The following CELSR1 variants were observed in gnomAD, a reference collection of about 807,000 sequenced individuals.
CELSR1 encodes the protein adhesion G protein-coupled receptor C1.
CELSR1 carries 110 observed loss-of-function variants against 249.1 expected under a neutral mutation model. That is an observed-to-expected ratio of 0.44 (90% CI 0.38 to 0.52). The LOEUF is 0.52. CELSR1 is among the 20% of genes least tolerant of loss of function. The probability of loss-of-function intolerance (pLI) is 0.00; values close to 1 mark genes in which losing one functional copy is unlikely to be tolerated. For synonymous variants in CELSR1, 2,113 were observed against 1,900.0 expected (o/e 1.11, Z -2.92); for missense variants, 4,109 against 4,296.4 (o/e 0.96, Z 1.22).
intron 1 of CELSR1, among the ~76,000 whole-genome samples, chr22:46,522,408 C>T (rs1203619140): frequency 6.6e-6 from 1 of 152,140 alleles, no homozygotes; most frequent in East Asian, 1.9e-4. Context: ...CCCACGCCTG[C>T]GGTTTCGACT....
intron 1 of CELSR1, among the ~76,000 whole-genome samples, chr22:46,496,236 A>C (rs1414521844): frequency 6.7e-6 from 1 of 150,214 alleles, no homozygotes; most frequent in African/African-American, 2.4e-5. Flanking sequence ...TTTTGTAACA[A>C]CACTTAGCTT....
chr22:46,456,895 G>A (rs1483141689), intron 2 of CELSR1, among the ~76,000 whole-genome samples: 1 of 123,252 alleles, frequency 8.1e-6, no homozygotes, highest in Non-Finnish European at 1.6e-5. Context: ...ATGACCTGGG[G>A]CGGGGGGTGG....
intron 1 of CELSR1, among the ~76,000 whole-genome samples, chr22:46,497,709 T>C (rs904778365): frequency 5.9e-5 from 9 of 152,194 alleles, no homozygotes; most frequent in African/African-American, 2.2e-4. Flanking sequence ...TGGGCATTCA[T>C]ATCTTCTGGG....
Position 46,537,085 on chromosome 22 carries a change from G to A in CELSR1, c.86C>T (p.Ala29Val), listed in dbSNP as rs745820405. The A allele has an allele frequency of 9.6e-7, 1 of 1,045,186 alleles. No homozygotes were observed. 64.7% of individuals were successfully genotyped at this position (1,045,186 alleles called of 1,614,324 possible). The change falls in exon 1 of 35, where the codon GCC becomes GTC. Residue 29 changes from alanine to valine, a missense_variant. This residue lies in a region of CELSR1 where 673 missense variants were observed against 636.8 expected (regional missense o/e 1.06). Coordinates refer to ENST00000674500, the MANE Select transcript of CELSR1 (RefSeq NM_001378328.1). This position sits in a 1 kb window ranked among gnomAD's most constrained non-coding sequence, Gnocchi z 5.8. ...AALPAMGLRA[A>V]AWEPRVPGGT... ...GCCGGGTACGCGCGGCTCCCAGGCG[G>A]CCGCTCGCAGCCCCATCGCCGGCAG...
chr22:46,467,363 C>T (rs2080107734), intron 1 of CELSR1, among the ~76,000 whole-genome samples: 1 of 152,158 alleles, frequency 6.6e-6, no homozygotes, highest in African/African-American at 2.4e-5. Context: ...GGGAAATGCA[C>T]AACCCAATTA....
In CELSR1 at chr22:46,412,614, C is replaced by T. The variant is rs181625418; in HGVS notation, c.4612-855G>A. Among the ~76,000 whole-genome samples, 9 of 152,250 alleles carry T rather than the reference C, an allele frequency of 5.9e-5. No individual in the cohort carries two copies. The highest frequency in any genetic ancestry group is 4.1e-4 in the South Asian group (2 of 4,824). ...GAGACTGTGGTTTGCCATCCGGGGA[C>T]GAGCCCACTTTCCCCAGACAGCCCT... On this transcript the variant is annotated intron_variant, in intron 5 of 34. Coordinates refer to ENST00000674500, the MANE Select transcript of CELSR1 (RefSeq NM_001378328.1). The surrounding 1 kb of genome is among the most constrained non-coding windows in gnomAD (Gnocchi z 4.5).
intron 5 of CELSR1, among the ~76,000 whole-genome samples, chr22:46,425,673 G>A (rs945265297): frequency 2.6e-5 from 4 of 151,304 alleles, no homozygotes; most frequent in Non-Finnish European, 5.9e-5. Context: ...TATCAGTCAC[G>A]CTAGAAGTTT....
rs971977326 is a variant in CELSR1 at position 46,517,596 on chromosome 22, C to T, written c.3544+16031G>A. On this transcript the variant is annotated intron_variant, in intron 1 of 34. Coordinates refer to ENST00000674500, the MANE Select transcript of CELSR1 (RefSeq NM_001378328.1). This position sits in a 1 kb window ranked among gnomAD's most constrained non-coding sequence, Gnocchi z 5.4. ...CCGCAAAACACGCCCCTGAGCTTCC[C>T]GTCCTGCACACACAGACGCACCCCT... Among the ~76,000 whole-genome samples the T allele has an allele frequency of 1.3e-5, 2 of 152,338 alleles. No individual in the cohort carries two copies. Among genetic ancestry groups the T allele is most frequent in the African/African-American group, 2.4e-5 (1 of 41,582 alleles).
At chr22:46,493,024 G>A (rs991802645) in intron 1 of CELSR1, among the ~76,000 whole-genome samples, 9 of 152,234 alleles carry the variant, frequency 5.9e-5, no homozygotes, top group Non-Finnish European at 1.3e-4. Flanking sequence ...TGGGAGGATC[G>A]CTTGAGGCTG....
At chr22:46,387,059 A>G (rs1480486117) in intron 18 of CELSR1, among the ~76,000 whole-genome samples, 1 of 151,962 alleles carries the variant, frequency 6.6e-6, no homozygotes, top group African/African-American at 2.4e-5. Flanking sequence ...CGCCTGGCCT[A>G]GTTCCCAAAT....
chr22:46,466,939 C>T (rs1239952911), intron 1 of CELSR1, among the ~76,000 whole-genome samples: 1 of 152,154 alleles, frequency 6.6e-6, no homozygotes, highest in Non-Finnish European at 1.5e-5. Flanking sequence ...CATCAGGACG[C>T]AGCAAGAAGG....
chr22:46,377,855 A>C (rs2078935720), intron 23 of CELSR1, among the ~76,000 whole-genome samples: 1 of 152,190 alleles, frequency 6.6e-6, no homozygotes, highest in Non-Finnish European at 1.5e-5. Context: ...AACCAGGGCC[A>C]CTTCACATCA....
intron 1 of CELSR1, among the ~76,000 whole-genome samples, chr22:46,482,126 C>T (rs1014136741): frequency 6.6e-6 from 1 of 152,214 alleles, no homozygotes; most frequent in Non-Finnish European, 1.5e-5. Flanking sequence ...TAATGTCTCA[C>T]CCTCACTTCC....
At chr22:46,491,639 T>TTC (rs2080368679) in intron 1 of CELSR1, among the ~76,000 whole-genome samples, 1 of 25,886 alleles carries the variant, frequency 3.9e-5, no homozygotes, top group Non-Finnish European at 1.8e-4. Flanking sequence ...CTCTCTCTCT[T>TTC]TTTTTTTTTT....
rs565278365 is a variant in CELSR1, at chr22:46,500,284, G to A, written c.3544+33343C>T. 1.7e-3 allele frequency among the ~76,000 whole-genome samples: 262 copies of A among 152,270 alleles called. 1 individual carries two copies. Among genetic ancestry groups the A allele is most frequent in the Non-Finnish European group, 3.0e-3 (207 of 68,016 alleles). ...GACATAACTGCGACAAAACCCTGGC[G>A]CCCGGTTTTCAGCACCGCGCTAGGT... On this transcript the variant is annotated intron_variant, in intron 1 of 34. Coordinates refer to ENST00000674500, the MANE Select transcript of CELSR1 (RefSeq NM_001378328.1). This position sits in a 1 kb window ranked among gnomAD's most constrained non-coding sequence, Gnocchi z 4.9.
intron 5 of CELSR1, among the ~76,000 whole-genome samples, chr22:46,418,939 C>T (rs371838502): frequency 4.5e-4 from 69 of 152,308 alleles, no homozygotes; most frequent in African/African-American, 1.6e-3. Flanking sequence ...ACCGTGGGTC[C>T]GGAGGCAGGA....
Position 46,463,834 on chromosome 22 carries a change from C to A in CELSR1, c.4056G>T (p.Pro1352=), listed in dbSNP as rs202029675. 5 of 1,611,426 alleles carry A rather than the reference C, an allele frequency of 3.1e-6. No individual in the cohort carries two copies. Among genetic ancestry groups the A allele is most frequent in the African/African-American group, 1.3e-5 (1 of 74,906 alleles). ...CGCAGTAGTCGCCGGTGAAGCCGGGCGGGCAGCGGCAGCGCAGGCCGTTGA... is the reference window on the plus strand; with the variant it reads ...CGCAGTAGTCGCCGGTGAAGCCGGGAGGGCAGCGGCAGCGCAGGCCGTTGA... The part of the protein sequence containing the change: ...HPINGLRCRC[P]PGFTGDYCET... The change falls in exon 2 of 35, where the codon CCG becomes CCT. Residue 1352 remains proline, a synonymous_variant. Transcript: ENST00000674500.
At chr22:46,422,780 A>AAAAAAAAAAAG (rs1337523194) in intron 5 of CELSR1, among the ~76,000 whole-genome samples, 3,365 of 147,890 alleles carry the variant, frequency 0.023, 274 homozygotes, top group African/African-American at 0.077. Flanking sequence ...AAAAAAAAAA[A>AAAAAAAAAAAG]TGGCTCATAG....
intron 5 of CELSR1, among the ~76,000 whole-genome samples, chr22:46,422,592 A>AAAATAAAT (rs547687556): frequency 1.6e-4 from 24 of 149,056 alleles, no homozygotes; most frequent in African/African-American, 5.7e-4. Context: ...ATAATAATAA[A>AAAATAAAT]AAATAAATAA....
Sources: gnomAD v4.1 joint callset for allele counts (sites outside exome capture counted in the v4.1 genomes callset) on GRCh38, gnomAD v4.1.1 for gene constraint, gnomAD v4.1.1 regional missense constraint, Gnocchi (gnomAD v3.1) non-coding constraint, MANE v1.5 for transcripts, NCBI Gene and HGNC (gene_info 2026-07-23, HGNC 2026-07-21) for gene names.